TRAPPC9: variants seen among roughly 807,000 people sequenced by gnomAD.
TRAPPC9 encodes the protein trafficking protein particle complex subunit 9.
TRAPPC9 carries 83 observed loss-of-function variants against 124.0 expected under a neutral mutation model. The observed-to-expected ratio is 0.67, with a 90% CI of 0.56 to 0.80. The LOEUF (loss-of-function observed/expected upper bound fraction) is 0.80. Among genes scored for constraint, TRAPPC9 ranks in the 30% least tolerant of loss-of-function variants. The pLI is 0.00. For synonymous variants in TRAPPC9, 638 were observed against 617.5 expected, an observed-to-expected ratio of 1.03 and a Z score of -0.49; for missense variants, 1,302 against 1,508.3, an observed-to-expected ratio of 0.86 and a Z score of 2.27.
At chr8:140,195,020 A>C (rs566706407) in intron 17 of TRAPPC9, among the ~76,000 whole-genome samples, 1 of 152,276 alleles carries the variant, frequency 6.6e-6, no homozygotes, top group Admixed American at 6.5e-5. Context: ...CACACCTGTG[A>C]CACTAAAAGA....
At chr8:139,889,489 G>A (rs1053118294) in intron 20 of TRAPPC9, among the ~76,000 whole-genome samples, 1 of 152,206 alleles carries the variant, frequency 6.6e-6, no homozygotes, top group Non-Finnish European at 1.5e-5. Context: ...CCCTGAGGGA[G>A]ACAAGGAATG....
intron 21 of TRAPPC9, among the ~76,000 whole-genome samples, chr8:139,823,623 G>A (rs1442818677): frequency 6.6e-6 from 1 of 152,190 alleles, no homozygotes; most frequent in East Asian, 1.9e-4. Flanking sequence ...GAAGAGGGAT[G>A]CACGGGGGTC....
intron 21 of TRAPPC9, among the ~76,000 whole-genome samples, chr8:139,874,471 C>T (rs1263078724): frequency 1.3e-5 from 2 of 152,210 alleles, no homozygotes; most frequent in African/African-American, 2.4e-5. Flanking sequence ...TGGGGAAACG[C>T]GCAGGCGGAA....
intron 17 of TRAPPC9, among the ~76,000 whole-genome samples, chr8:140,145,465 G>A (rs1334107152): frequency 6.6e-6 from 1 of 152,090 alleles, no homozygotes; most frequent in African/African-American, 2.4e-5. Flanking sequence ...CTCTCTTGCA[G>A]TCTGTTTTAA....
intron 17 of TRAPPC9, among the ~76,000 whole-genome samples, chr8:140,215,389 T>A (rs1238767348): frequency 1.3e-5 from 2 of 152,070 alleles, no homozygotes; most frequent in Non-Finnish European, 2.9e-5. Context: ...ACGCCTGTAA[T>A]CCCAGCACTT....
At chr8:140,444,178 C>G (rs1398726526) in intron 2 of TRAPPC9, among the ~76,000 whole-genome samples, 3 of 149,780 alleles carry the variant, frequency 2.0e-5, no homozygotes, top group Non-Finnish European at 4.4e-5. Context: ...TGCCACTGCC[C>G]TCCAGCCTGG....
intron 17 of TRAPPC9, among the ~76,000 whole-genome samples, chr8:140,069,313 C>A (rs1433859423): frequency 6.6e-6 from 1 of 152,172 alleles, no homozygotes; most frequent in Non-Finnish European, 1.5e-5. Context: ...CTGCCCACCC[C>A]ACCTGGGCAA....
At chr8:140,457,234 G>C (rs922396152) in intron 1 of TRAPPC9, among the ~76,000 whole-genome samples, 4 of 152,120 alleles carry the variant, frequency 2.6e-5, no homozygotes, top group Non-Finnish European at 4.4e-5. Context: ...CCAGGGGCGG[G>C]GGGCTCCAGC....
chr8:140,451,200 C>T lies in TRAPPC9; in HGVS notation c.174G>A (p.Arg58=). Residue 58 remains arginine, a synonymous_variant, in exon 2 of 23, where the codon AGG becomes AGA. Transcript: ENST00000438773. ...DSQRVLYIRY[R]HHYPPENNEW... ...CGTTGTTCTCGGGTGGGTAGTGGTG[C>T]CTGTAGCGGATGTAGAGGACTCGCT... The T allele has an allele frequency of 6.2e-7, 1 of 1,614,110 alleles. No individual in the cohort carries two copies. The highest frequency in any genetic ancestry group is 8.5e-7 in the Non-Finnish European group (1 of 1,180,022).
intron 21 of TRAPPC9, among the ~76,000 whole-genome samples, chr8:139,866,550 G>A (rs1828554490): frequency 1.3e-5 from 2 of 152,176 alleles, no homozygotes; most frequent in South Asian, 4.1e-4. Context: ...GGAAGGGCTG[G>A]GATGGAGATG....
chr8:140,387,849 T>C (rs1035960967), intron 7 of TRAPPC9, among the ~76,000 whole-genome samples: 2 of 152,188 alleles, frequency 1.3e-5, no homozygotes, highest in African/African-American at 4.8e-5. Flanking sequence ...AGAAATACCA[T>C]TTGACCCAGC....
rs766156825 is a variant in TRAPPC9, at chr8:139,732,043, A to G, written c.3215T>C (p.Val1072Ala). ...VVPFQDHQNG[V>A]HNYDLHDTVS... is the part of the protein sequence containing the mutation. ...GGTGTCGTGCAGGTCGTAGTTGTGCACGCCGTTCTGGTGGTCCTGGAAGGG... is the reference window on the plus strand; with the variant it reads ...GGTGTCGTGCAGGTCGTAGTTGTGCGCGCCGTTCTGGTGGTCCTGGAAGGG... The change falls in exon 22 of 23, where the codon GTG becomes GCG. Residue 1072 changes from valine to alanine, a missense_variant. Transcript: ENST00000438773. 1 of 1,604,794 alleles carries G rather than the reference A, an allele frequency of 6.2e-7. No individual in the cohort carries two copies. Among genetic ancestry groups the G allele is most frequent in the Non-Finnish European group, 8.5e-7 (1 of 1,175,640 alleles).
intron 17 of TRAPPC9, among the ~76,000 whole-genome samples, chr8:140,135,652 A>G (rs2061291170): frequency 6.6e-6 from 1 of 152,228 alleles, no homozygotes; most frequent in Non-Finnish European, 1.5e-5. Context: ...ACGAGGAATT[A>G]TTGCTTCGTG....
chr8:139,811,344 T>C (rs947292485), intron 21 of TRAPPC9, among the ~76,000 whole-genome samples: 7 of 152,222 alleles, frequency 4.6e-5, no homozygotes, highest in African/African-American at 1.4e-4. Flanking sequence ...CAAGATCCAG[T>C]AAACAGGCAT....
chr8:139,783,220 T>G (rs141160149), intron 21 of TRAPPC9, among the ~76,000 whole-genome samples: 5 of 151,298 alleles, frequency 3.3e-5, no homozygotes, highest in African/African-American at 1.2e-4. Flanking sequence ...AGAAAATCAA[T>G]AGAAAAAAAA....
chr8:140,376,649 G>A (rs942325715), intron 7 of TRAPPC9, among the ~76,000 whole-genome samples: 2 of 151,426 alleles, frequency 1.3e-5, no homozygotes, highest in Non-Finnish European at 2.9e-5. Flanking sequence ...GCTAAGGCAG[G>A]CAGATTACCT....
In TRAPPC9 at chr8:139,789,027, TA is replaced by T. The variant is rs140850729; in HGVS notation, c.3056-56826del. 3.9e-3 allele frequency among the ~76,000 whole-genome samples: 596 copies of T among 152,340 alleles called. 9 individuals carry two copies. The highest frequency in any genetic ancestry group is 0.014 in the African/African-American group (585 of 41,580). ...AAGATGCAAACAAATTATGGGAGGCTAAGAACACGGTACAGCTAAAATCAGC... is the reference window on the plus strand; with the variant it reads ...AAGATGCAAACAAATTATGGGAGGCTAGAACACGGTACAGCTAAAATCAGC... On this transcript the variant is annotated intron_variant, in intron 21 of 22. Transcript: ENST00000438773.
chr8:140,165,932 C>G (rs999614642), intron 17 of TRAPPC9, among the ~76,000 whole-genome samples: 5 of 152,154 alleles, frequency 3.3e-5, no homozygotes, highest in Non-Finnish European at 5.9e-5. Flanking sequence ...TCTCTGCTCA[C>G]GCTGCTGCCT....
intron 21 of TRAPPC9, among the ~76,000 whole-genome samples, chr8:139,850,835 GC>G (rs764666364): frequency 1.6e-4 from 24 of 151,984 alleles, no homozygotes; most frequent in Non-Finnish European, 3.1e-4. Flanking sequence ...CATATACTCA[GC>G]CCCCATCCAC....
Sources: gnomAD v4.1 joint callset for allele counts (sites outside exome capture counted in the v4.1 genomes callset) on GRCh38, gnomAD v4.1.1 for gene constraint, MANE v1.5 for transcripts, NCBI Gene and HGNC (gene_info 2026-07-23, HGNC 2026-07-21) for gene names.